The following APPL1 variants were observed in gnomAD, a reference collection of about 807,000 sequenced individuals.
APPL1 encodes the protein DCC-interacting protein 13-alpha.
A neutral mutation model predicts 106.8 loss-of-function variants in APPL1; 42 were observed. The ratio of observed to expected loss-of-function variants is 0.39; its 90% CI spans 0.31 to 0.51. APPL1 has a LOEUF of 0.51. Ranked by LOEUF, APPL1 falls within the 20% of genes least tolerant of loss-of-function variation. The pLI, the probability that APPL1 is intolerant of heterozygous loss-of-function variation, is 0.75. For synonymous variants in APPL1, 263 were observed against 281.8 expected (o/e 0.93, Z 0.67); for missense variants, 769 against 858.2 (o/e 0.90, Z 1.30).
intron 3 of APPL1, among the ~76,000 whole-genome samples, 173 bp downstream of exon 3, chr3:57,237,724 ATC>A (rs2060723896): frequency 6.6e-6 from 1 of 152,192 alleles, no homozygotes. Context: ...TACAGAGGCT[ATC>A]TAGTTTACTT....
chr3:57,236,414 C>G (rs1445004050), intron 2 of APPL1, among the ~76,000 whole-genome samples: 4 of 151,460 alleles, frequency 2.6e-5, no homozygotes, highest in Non-Finnish European at 4.4e-5. Flanking sequence ...CTGCACCCTC[C>G]ACCTCCCAGG....
At chr3:57,261,113 A>G (rs1296988900) in intron 19 of APPL1, among the ~76,000 whole-genome samples, 2 of 151,966 alleles carry the variant, frequency 1.3e-5, no homozygotes, top group Non-Finnish European at 2.9e-5. Flanking sequence ...CCCTTTCCTC[A>G]TCACTCAGCC....
At position 57,228,108 on chromosome 3, in the gene APPL1, G is replaced by C. The variant is rs2107592417; in HGVS notation, c.54+171G>C. ...CGGAGTTGTGGAGGCTGGGCCCGCC[G>C]CCCAAGGCCCGCGTGGGCCTGCTCG... On this transcript the variant is annotated intron_variant, in intron 1 of 21. Transcript: ENST00000288266. This position sits in a 1 kb window ranked among gnomAD's most constrained non-coding sequence, Gnocchi z 4.6. Among the ~76,000 whole-genome samples, 1 of 151,986 alleles carries C rather than the reference G, an allele frequency of 6.6e-6. No individual in the cohort carries two copies. Among genetic ancestry groups the C allele is most frequent in the Admixed American group, 6.5e-5 (1 of 15,276 alleles).
At chr3:57,240,879 G>A (rs533513496) in intron 5 of APPL1, among the ~76,000 whole-genome samples, 10 of 152,320 alleles carry the variant, frequency 6.6e-5, no homozygotes, top group Admixed American at 4.6e-4. Flanking sequence ...TTTACCCAAG[G>A]ATGTGACATG....
chr3:57,229,424 A>G (rs1439736519), intron 1 of APPL1, among the ~76,000 whole-genome samples: 1 of 152,032 alleles, frequency 6.6e-6, no homozygotes. Flanking sequence ...CTCTTGACTC[A>G]TCTAATGTCT....
Position 57,257,270 on chromosome 3 carries a change from A to G in APPL1, c.1272A>G (p.Arg424=), listed in dbSNP as rs1314062855. The change falls in exon 15 of 22, where the codon CGA becomes CGG. Residue 424 remains arginine, a synonymous_variant. Coordinates refer to ENST00000288266, the MANE Select transcript of APPL1 (RefSeq NM_012096.3). ...AAGQSRPPTA[R]TSSSGSLGSE... is the part of the protein sequence containing the mutation. The stretch of plus-strand genomic sequence containing the variant: ...GACAATCTCGGCCACCGACAGCTCG[A>G]ACCAGCAGTTCAGGATCCTTAGGAT... 6.2e-7 allele frequency: 1 copy of G among 1,613,750 alleles called. No individual in the cohort carries two copies. The highest frequency in any genetic ancestry group is 8.5e-7 in the Non-Finnish European group (1 of 1,179,934).
chr3:57,244,737 T>G (rs961130742), intron 7 of APPL1, among the ~76,000 whole-genome samples: 1 of 152,118 alleles, frequency 6.6e-6, no homozygotes, highest in Non-Finnish European at 1.5e-5. Flanking sequence ...TCTAAGTAGG[T>G]GAATAACATC....
intron 7 of APPL1, among the ~76,000 whole-genome samples, chr3:57,244,846 C>A (rs909547452): frequency 6.6e-6 from 1 of 152,056 alleles, no homozygotes; most frequent in African/African-American, 2.4e-5. Context: ...TGCAGAGATA[C>A]AATGAAGGCC....
At chr3:57,248,586 A>G (rs998019807) in intron 10 of APPL1, among the ~76,000 whole-genome samples, 8 of 152,168 alleles carry the variant, frequency 5.3e-5, no homozygotes, top group South Asian at 2.1e-4. Context: ...AAGTGAAACC[A>G]GGGCTGGGCA....
intron 2 of APPL1, 135 bp from the exon 3 acceptor site, chr3:57,237,357 C>T: frequency 1.6e-6 from 1 of 636,280 alleles, no homozygotes. Context: ...GTACCCCTTT[C>T]CAGTGATTTA....
intron 5 of APPL1, 79 bp from the exon 6 acceptor site, chr3:57,242,022 T>A (rs969848994): frequency 1.4e-5 from 14 of 996,208 alleles, no homozygotes; most frequent in Non-Finnish European, 2.1e-5. Flanking sequence ...TTAATTATAG[T>A]TTAAGTAGCA....
chr3:57,265,962 T>G (rs2060892602), intron 19 of APPL1, among the ~76,000 whole-genome samples: 1 of 152,256 alleles, frequency 6.6e-6, no homozygotes, highest in Admixed American at 6.5e-5. Flanking sequence ...TTAAATAGTT[T>G]TTGTCCTTTA....
At chr3:57,235,107 C>T (rs938480179) in intron 1 of APPL1, among the ~76,000 whole-genome samples, 3 of 152,086 alleles carry the variant, frequency 2.0e-5, no homozygotes, top group Non-Finnish European at 4.4e-5. Context: ...GCTGAAGAGT[C>T]GGCCATGTTG....
intron 7 of APPL1, among the ~76,000 whole-genome samples, chr3:57,244,736 G>A (rs2060764056): frequency 6.6e-6 from 1 of 152,102 alleles, no homozygotes; most frequent in Non-Finnish European, 1.5e-5. Context: ...TTCTAAGTAG[G>A]TGAATAACAT....
chr3:57,253,621 G>A (rs888810431), intron 12 of APPL1, 61 bp from the exon 13 acceptor site: 1 of 1,276,862 alleles, frequency 7.8e-7, no homozygotes, highest in Non-Finnish European at 1.0e-6. Context: ...TTGAACATTT[G>A]CCTTTACAAG....
chr3:57,228,252 A>C lies in APPL1; in HGVS notation c.54+315A>C, dbSNP rs538308334. Among the ~76,000 whole-genome samples, 1 of 152,164 alleles carries C rather than the reference A, an allele frequency of 6.6e-6. No homozygotes were observed. Among genetic ancestry groups the C allele is most frequent in the Non-Finnish European group, 1.5e-5 (1 of 68,012 alleles). ...GCGCCGTTTTTATCGCGGTGATGTG[A>C]GGTGCCAAATCTCGATCCTGGAATT... On this transcript the variant is annotated intron_variant, in intron 1 of 21. Coordinates refer to ENST00000288266, the MANE Select transcript of APPL1 (RefSeq NM_012096.3). This position sits in a 1 kb window ranked among gnomAD's most constrained non-coding sequence, Gnocchi z 4.6.
At chr3:57,269,324 T>C (rs1485189861) in intron 21 of APPL1, 2 of 461,990 alleles carry the variant, frequency 4.3e-6, no homozygotes, top group African/African-American at 2.0e-5. Flanking sequence ...AGATAAAATA[T>C]TAGATTTTAG....
Position 57,267,782 on chromosome 3 carries a change from A to G in APPL1, c.1883A>G (p.His628Arg). The change falls in exon 20 of 22, where the codon CAT becomes CGT. Residue 628 changes from histidine to arginine, a missense_variant. Coordinates refer to ENST00000288266, the MANE Select transcript of APPL1 (RefSeq NM_012096.3). ...SVGLAKQIAL[H>R]AELDRRASEK... ...GGACTGGCAAAACAGATAGCTTTGCATGCTGAACTGGTAAGAATCCAAGAT... is the reference window on the plus strand; with the variant it reads ...GGACTGGCAAAACAGATAGCTTTGCGTGCTGAACTGGTAAGAATCCAAGAT... 2 of 1,613,782 alleles carry G rather than the reference A, an allele frequency of 1.2e-6. No homozygotes were observed. The highest frequency in any genetic ancestry group is 1.7e-6 in the Non-Finnish European group (2 of 1,180,024).
chr3:57,263,228 G>T (rs1268453452), intron 19 of APPL1, among the ~76,000 whole-genome samples: 1 of 152,138 alleles, frequency 6.6e-6, no homozygotes, highest in African/African-American at 2.4e-5. Context: ...ATGGAAAATG[G>T]AGTATTCCTT....
Sources: gnomAD v4.1 joint callset for allele counts (sites outside exome capture counted in the v4.1 genomes callset) on GRCh38, gnomAD v4.1.1 for gene constraint, Gnocchi (gnomAD v3.1) non-coding constraint, MANE v1.5 for transcripts, NCBI Gene and HGNC (gene_info 2026-07-23, HGNC 2026-07-21) for gene names.